Variants in CERS6 observed in about 807,000 individuals in gnomAD.
CERS6 encodes ceramide synthase 6.
In CERS6, 26 loss-of-function variants were observed where a neutral mutation model predicts 56.8. The ratio of observed to expected loss-of-function variants is 0.46; its 90% CI spans 0.34 to 0.63. The LOEUF is 0.63. CERS6 is among the 30% of genes least tolerant of loss of function. CERS6 has a pLI of 0.01. For synonymous variants in CERS6, 164 were observed against 173.3 expected, an observed-to-expected ratio of 0.95 and a Z score of 0.42; for missense variants, 415 against 467.5, an observed-to-expected ratio of 0.89 and a Z score of 1.04.
intron 8 of CERS6, among the ~76,000 whole-genome samples, chr2:168,763,365 C>T (rs1341493027): frequency 1.3e-5 from 2 of 151,718 alleles, no homozygotes; most frequent in African/African-American, 4.8e-5. Context: ...CTGTAGCCTC[C>T]TGAGTAGCTG....
intron 1 of CERS6, among the ~76,000 whole-genome samples, chr2:168,542,275 G>C (rs4668072): frequency 5.8e-4 from 89 of 152,320 alleles, no homozygotes; most frequent in Middle Eastern, 3.4e-3. Context: ...CTAAGAAATA[G>C]TACAATGAGA....
chr2:168,459,134 A>G (rs10172074), intron 1 of CERS6, among the ~76,000 whole-genome samples: 3,246 of 152,346 alleles, frequency 0.021, 109 homozygotes, highest in African/African-American at 0.075. Flanking sequence ...AATTCTCTCA[A>G]GATTCTTCTC....
intron 4 of CERS6, among the ~76,000 whole-genome samples, chr2:168,652,923 A>T (rs1685380727): frequency 1.3e-5 from 2 of 152,228 alleles, no homozygotes; most frequent in Non-Finnish European, 2.9e-5. Flanking sequence ...TAGGATACCC[A>T]TTTTAATTCT....
rs1684596126 is a variant in CERS6, at chr2:168,626,562, C to G, written c.408-4423C>G. Among the ~76,000 whole-genome samples, 2 of 152,176 alleles carry G rather than the reference C, an allele frequency of 1.3e-5. 1 individual carries two copies. The highest frequency in any genetic ancestry group is 4.1e-4 in the South Asian group (2 of 4,832). ...TGGTAGTTTTTACTAGCTTCCTATT[C>G]TAATTTTCAGGTTTGAAAGATATAA... On this transcript the variant is annotated intron_variant, in intron 3 of 9. Transcript: ENST00000305747.
At chr2:168,554,844 G>A (rs1466280338) in intron 2 of CERS6, among the ~76,000 whole-genome samples, 2 of 152,042 alleles carry the variant, frequency 1.3e-5, no homozygotes, top group Non-Finnish European at 2.9e-5. Context: ...ATGAAAGGAA[G>A]AATTGACTTT....
chr2:168,626,952 C>A (rs1390448613), intron 3 of CERS6, among the ~76,000 whole-genome samples: 1 of 152,136 alleles, frequency 6.6e-6, no homozygotes, highest in Non-Finnish European at 1.5e-5. Context: ...AGTTTTGTGT[C>A]CCTGGGAGTT....
intron 8 of CERS6, among the ~76,000 whole-genome samples, chr2:168,722,105 T>C (rs1273572437): frequency 1.3e-5 from 2 of 152,230 alleles, no homozygotes; most frequent in Non-Finnish European, 2.9e-5. Flanking sequence ...ATTTGTAATT[T>C]GGTTATTTGT....
intron 8 of CERS6, among the ~76,000 whole-genome samples, chr2:168,737,597 A>G (rs1026505175): frequency 1.3e-5 from 2 of 152,224 alleles, no homozygotes; most frequent in African/African-American, 2.4e-5. Context: ...GGGACCAAAA[A>G]GAAGAGTGTC....
intron 4 of CERS6, among the ~76,000 whole-genome samples, chr2:168,658,423 A>G (rs1232131052): frequency 1.3e-5 from 2 of 152,132 alleles, no homozygotes; most frequent in Non-Finnish European, 2.9e-5. Context: ...TGATTACTCC[A>G]TTATTCTCTT....
At chr2:168,510,435 C>T (rs13402659) in intron 1 of CERS6, among the ~76,000 whole-genome samples, 2,473 of 152,166 alleles carry the variant, frequency 0.016, 49 homozygotes, top group African/African-American at 0.057. Flanking sequence ...TTGTGTTGTA[C>T]GGTAATGTGC....
intron 8 of CERS6, among the ~76,000 whole-genome samples, chr2:168,718,264 C>T (rs1422310997): frequency 6.6e-6 from 1 of 152,120 alleles, no homozygotes; most frequent in Non-Finnish European, 1.5e-5. Flanking sequence ...TCAAGAACCT[C>T]AGCTGTGAAG....
intron 4 of CERS6, among the ~76,000 whole-genome samples, chr2:168,688,057 G>C (rs559531766): frequency 6.6e-6 from 1 of 152,200 alleles, no homozygotes; most frequent in South Asian, 2.1e-4. Flanking sequence ...ATGCTGTAAC[G>C]TCATGTGAAA....
intron 1 of CERS6, among the ~76,000 whole-genome samples, chr2:168,483,753 T>C (rs997899165): frequency 6.6e-6 from 1 of 152,194 alleles, no homozygotes; most frequent in Non-Finnish European, 1.5e-5. Context: ...GCACCTTCTT[T>C]GTAAAAATAA....
intron 1 of CERS6, among the ~76,000 whole-genome samples, chr2:168,495,789 CA>C (rs918374984): frequency 3.6e-4 from 55 of 152,184 alleles, no homozygotes; most frequent in African/African-American, 1.2e-3. Flanking sequence ...ATTCTCCTTT[CA>C]GGGGGGGCAT....
intron 8 of CERS6, among the ~76,000 whole-genome samples, chr2:168,743,234 A>ATG (rs139026026): frequency 0.43 from 63,122 of 147,170 alleles, 16,041 homozygotes; most frequent in Admixed American, 0.56. Flanking sequence ...GTATATATAT[A>ATG]TGTGTGTGTG....
chr2:168,740,397 T>G (rs531315177), intron 8 of CERS6, among the ~76,000 whole-genome samples: 1 of 152,364 alleles, frequency 6.6e-6, no homozygotes, highest in South Asian at 2.1e-4. Flanking sequence ...GAAAACTCAC[T>G]ATTTGCCAAA....
intron 9 of CERS6, 30 bp downstream of exon 9, chr2:168,765,778 T>C: frequency 6.3e-7 from 1 of 1,583,042 alleles, no homozygotes. Context: ...TTCCAATATG[T>C]CTTAAAAAAT....
intron 3 of CERS6, among the ~76,000 whole-genome samples, chr2:168,599,697 G>GTT (rs1361702856): frequency 2.6e-5 from 4 of 152,138 alleles, no homozygotes; most frequent in African/African-American, 9.7e-5. Context: ...TATGCTTGAG[G>GTT]TTATATATAT....
intron 1 of CERS6, among the ~76,000 whole-genome samples, chr2:168,504,645 T>C (rs1027408488): frequency 6.6e-6 from 1 of 150,890 alleles, no homozygotes; most frequent in Non-Finnish European, 1.5e-5. Flanking sequence ...TGTATGTGGG[T>C]CTGGCGTAGT....
Sources: gnomAD v4.1 joint callset for allele counts (sites outside exome capture counted in the v4.1 genomes callset) on GRCh38, gnomAD v4.1.1 for gene constraint, MANE v1.5 for transcripts, NCBI Gene and HGNC (gene_info 2026-07-23, HGNC 2026-07-21) for gene names.